Variants in PRKCH observed in about 807,000 individuals in gnomAD.
PRKCH encodes the protein protein kinase C eta type.
PRKCH carries 28 observed loss-of-function variants against 82.5 expected under a neutral mutation model. The ratio of observed to expected loss-of-function variants is 0.34; its 90% CI spans 0.25 to 0.47. The LOEUF (loss-of-function observed/expected upper bound fraction) is 0.47. Ranked by LOEUF, PRKCH falls within the 20% of genes least tolerant of loss-of-function variation. PRKCH has a pLI of 1.00. For synonymous variants in PRKCH, 322 were observed against 327.4 expected (o/e 0.98, Z 0.18); for missense variants, 705 against 881.8 (o/e 0.80, Z 2.54).
chr14:61,549,985 G>C lies in PRKCH; in HGVS notation c.*154G>C, dbSNP rs532368189. On this transcript the variant is annotated 3_prime_UTR_variant, in exon 14 of 14. Coordinates refer to ENST00000332981, the MANE Select transcript of PRKCH (RefSeq NM_006255.5). ...AACTCTGTGAAGGATGGAACTTTCA[G>C]ATATCAACTATTTAGAGTCCAGAGG... 18 of 760,232 alleles carry C rather than the reference G, an allele frequency of 2.4e-5. No individual in the cohort carries two copies. In the East Asian group the frequency reaches 4.4e-4, roughly 19 times the overall value. The allele number at this position is 760,232 out of a possible 1,614,324, so 47.1% of individuals were successfully genotyped here.
At chr14:61,410,224 G>A (rs547551449) in intron 2 of PRKCH, among the ~76,000 whole-genome samples, 2 of 152,062 alleles carry the variant, frequency 1.3e-5, no homozygotes, top group African/African-American at 4.8e-5. Context: ...CCCCCACCCC[G>A]TTCTTAAAAA....
intron 1 of PRKCH, among the ~76,000 whole-genome samples, chr14:61,292,739 C>T (rs2045374450): frequency 6.8e-6 from 1 of 145,996 alleles, no homozygotes; most frequent in South Asian, 2.2e-4. Context: ...CTGCTGCACT[C>T]CAGCCTGGGC....
intron 2 of PRKCH, among the ~76,000 whole-genome samples, chr14:61,423,512 C>A (rs2140248652): frequency 6.6e-6 from 1 of 152,278 alleles, no homozygotes; most frequent in East Asian, 1.9e-4. Context: ...GAGTGGTCTG[C>A]AGATACCTTT....
At chr14:61,428,815 T>C (rs1431213217) in intron 2 of PRKCH, among the ~76,000 whole-genome samples, 1 of 152,248 alleles carries the variant, frequency 6.6e-6, no homozygotes, top group Non-Finnish European at 1.5e-5. Flanking sequence ...GATTCTGAAA[T>C]TCAATCATTG....
At chr14:61,250,803 G>T (rs930389016) in intron 1 of PRKCH, among the ~76,000 whole-genome samples, 3 of 152,048 alleles carry the variant, frequency 2.0e-5, no homozygotes, top group Admixed American at 6.5e-5. Context: ...GGTTGTTAGT[G>T]GGGGAGGTTG....
At chr14:61,320,724 A>C (rs2045607440), upstream of PRKCH, among the ~76,000 whole-genome samples, 1 of 152,206 alleles carries the variant, frequency 6.6e-6, no homozygotes. Context: ...TCCTCCCCGG[A>C]GACAAAATCT....
At chr14:61,393,668 C>T (rs559474423) in intron 2 of PRKCH, among the ~76,000 whole-genome samples, 13 of 152,324 alleles carry the variant, frequency 8.5e-5, no homozygotes, top group East Asian at 1.9e-4. Flanking sequence ...GAAGAGTTTA[C>T]ATATGTGGAG....
intron 10 of PRKCH, among the ~76,000 whole-genome samples, chr14:61,506,117 G>A (rs192208537): frequency 7.2e-5 from 11 of 152,142 alleles, no homozygotes; most frequent in East Asian, 1.9e-4. Context: ...TGTGGGTCTC[G>A]GAGAAAAAGA....
At chr14:61,331,653 T>A (rs1242045107) in intron 1 of PRKCH, among the ~76,000 whole-genome samples, 1 of 152,224 alleles carries the variant, frequency 6.6e-6, no homozygotes, top group Non-Finnish European at 1.5e-5. Context: ...TAGGCAAGCG[T>A]CTGCTTATCT....
chr14:61,248,774 A>G (rs1386789381), intron 1 of PRKCH, among the ~76,000 whole-genome samples: 1 of 102,354 alleles, frequency 9.8e-6, no homozygotes, highest in Non-Finnish European at 1.8e-5. Flanking sequence ...GTATGTATGT[A>G]TGTATGTATG....
chr14:61,394,548 AT>A (rs1290160479), intron 2 of PRKCH, among the ~76,000 whole-genome samples: 3 of 152,222 alleles, frequency 2.0e-5, no homozygotes, highest in African/African-American at 7.2e-5. Context: ...AACTCTCTGC[AT>A]TAAGTTACAA....
chr14:61,198,409 G>A (rs985967061), intron 1 of PRKCH, among the ~76,000 whole-genome samples: 6 of 152,104 alleles, frequency 3.9e-5, no homozygotes, highest in Non-Finnish European at 5.9e-5. Flanking sequence ...AGCCTGACTC[G>A]TCAAGCAAAC....
chr14:61,309,495 C>T (rs952175411), intron 1 of PRKCH, among the ~76,000 whole-genome samples: 11 of 152,128 alleles, frequency 7.2e-5, no homozygotes, highest in South Asian at 2.1e-4. Flanking sequence ...CTTTGCAATG[C>T]GCTTTAAATT....
At chr14:61,356,053 A>T (rs1000916724) in intron 1 of PRKCH, among the ~76,000 whole-genome samples, 1 of 152,172 alleles carries the variant, frequency 6.6e-6, no homozygotes, top group African/African-American at 2.4e-5. Context: ...GCATCCAGAG[A>T]ACCGGAAGAG....
intron 2 of PRKCH, among the ~76,000 whole-genome samples, chr14:61,438,526 C>T (rs1055745258): frequency 6.6e-6 from 1 of 152,198 alleles, no homozygotes; most frequent in Non-Finnish European, 1.5e-5. Context: ...ATATATATTT[C>T]TGCTGCTGGG....
At chr14:61,299,519 T>C (rs1375821036) in intron 1 of PRKCH, among the ~76,000 whole-genome samples, 1 of 152,180 alleles carries the variant, frequency 6.6e-6, no homozygotes, top group Admixed American at 6.5e-5. Context: ...GGGCCACCTG[T>C]GACCAATTAT....
chr14:61,416,547 A>C (rs1035834230), intron 2 of PRKCH, among the ~76,000 whole-genome samples: 2 of 152,068 alleles, frequency 1.3e-5, no homozygotes, highest in Non-Finnish European at 2.9e-5. Context: ...TCTCCTTGGC[A>C]TATATCTCCC....
At chr14:61,472,150 C>G (rs570830785) in intron 9 of PRKCH, among the ~76,000 whole-genome samples, 1 of 152,152 alleles carries the variant, frequency 6.6e-6, no homozygotes, top group Non-Finnish European at 1.5e-5. Context: ...CTGCTGGCAG[C>G]TCTCAACAGT....
In PRKCH at chr14:61,512,243, A is replaced by G. The variant is rs558396179; in HGVS notation, c.1434-16832A>G. Among the ~76,000 whole-genome samples the G allele has an allele frequency of 3.4e-4, 49 of 145,430 alleles. 1 individual carries two copies. Among genetic ancestry groups the G allele is most frequent in the African/African-American group, 1.3e-3 (49 of 38,388 alleles). On this transcript the variant is annotated intron_variant, in intron 10 of 13. Transcript: ENST00000332981. ...ATCCTGAAACTGGGCAGATGATCAC[A>G]TGACCCTTTTTTTTTTTTTTTTTTT...
Sources: gnomAD v4.1 joint callset for allele counts (sites outside exome capture counted in the v4.1 genomes callset) on GRCh38, gnomAD v4.1.1 for gene constraint, MANE v1.5 for transcripts, NCBI Gene and HGNC (gene_info 2026-07-23, HGNC 2026-07-21) for gene names.